OPCML: variants seen among roughly 807,000 people sequenced by gnomAD.
OPCML encodes opioid-binding protein/cell adhesion molecule.
A neutral mutation model predicts 37.8 loss-of-function variants in OPCML; 13 were observed. That is an observed-to-expected ratio of 0.34 (90% CI 0.22 to 0.55). The LOEUF is 0.55. OPCML is among the 20% of genes least tolerant of loss of function. OPCML has a pLI of 0.91. For synonymous variants in OPCML, 176 were observed against 168.8 expected (o/e 1.04, Z -0.33); for missense variants, 341 against 435.6 (o/e 0.78, Z 1.93).
chr11:132,447,671 C>T (rs2096058995), intron 4 of OPCML, among the ~76,000 whole-genome samples: 2 of 152,176 alleles, frequency 1.3e-5, no homozygotes, highest in African/African-American at 4.8e-5. Context: ...GGATCATAAA[C>T]CAGGTGGCCG....
chr11:132,718,883 G>A (rs1467595875), intron 2 of OPCML, among the ~76,000 whole-genome samples: 1 of 152,206 alleles, frequency 6.6e-6, no homozygotes, highest in Non-Finnish European at 1.5e-5. Flanking sequence ...ATCAACAGAT[G>A]AGCATCTGAG....
At chr11:133,089,780 A>C (rs545719339) in intron 1 of OPCML, among the ~76,000 whole-genome samples, 1 of 151,910 alleles carries the variant, frequency 6.6e-6, no homozygotes, top group Admixed American at 6.6e-5. Context: ...AAAAAAACCC[A>C]GTGGCTTATG....
chr11:133,364,078 G>A (rs962277632), intron 1 of OPCML, among the ~76,000 whole-genome samples: 1 of 152,114 alleles, frequency 6.6e-6, no homozygotes, highest in Admixed American at 6.5e-5. Context: ...GTAAGTCCCA[G>A]CTCCAACGTC....
intron 1 of OPCML, among the ~76,000 whole-genome samples, chr11:133,438,966 C>T (rs925382328): frequency 2.6e-5 from 4 of 152,146 alleles, no homozygotes. Flanking sequence ...CACACCACAC[C>T]CCATGCCTTG....
At chr11:133,043,509 G>A (rs183645757) in intron 1 of OPCML, among the ~76,000 whole-genome samples, 9 of 152,194 alleles carry the variant, frequency 5.9e-5, no homozygotes, top group African/African-American at 7.2e-5. Context: ...TGGCAGCTGC[G>A]CACACCCAGG....
At chr11:133,043,537 T>A (rs11825737) in intron 1 of OPCML, among the ~76,000 whole-genome samples, 19,845 of 152,140 alleles carry the variant, frequency 0.13, 1,537 homozygotes, top group East Asian at 0.23. Flanking sequence ...ATTTCCAGCC[T>A]CACTGTGATA....
intron 1 of OPCML, among the ~76,000 whole-genome samples, chr11:133,238,743 A>G (rs2136404115): frequency 6.6e-6 from 1 of 151,564 alleles, no homozygotes; most frequent in African/African-American, 2.4e-5. Flanking sequence ...CTCTCATCAG[A>G]GGCTACCCCT....
intron 1 of OPCML, among the ~76,000 whole-genome samples, chr11:133,377,052 T>C (rs979070924): frequency 1.3e-5 from 2 of 151,872 alleles, no homozygotes; most frequent in African/African-American, 4.8e-5. Flanking sequence ...CTATGTAGTG[T>C]AGTGTTTCGA....
At position 132,974,992 on chromosome 11, in the gene OPCML, G is replaced by C. The variant is rs575862989; in HGVS notation, c.62-31982C>G. On this transcript the variant is annotated intron_variant, in intron 1 of 7. Transcript: ENST00000524381. ...CTATAAGCTAATAATTCACTAATCA[G>C]TCTCTTAAGTCTGGAGCTCTGTACA... Among the ~76,000 whole-genome samples the C allele has an allele frequency of 3.3e-5, 5 of 151,742 alleles. No individual in the cohort carries two copies. The South Asian group carries it at 1.0e-3, about 32-fold the overall frequency.
chr11:132,938,286 A>C (rs1945461560), intron 2 of OPCML, among the ~76,000 whole-genome samples: 1 of 152,076 alleles, frequency 6.6e-6, no homozygotes. Context: ...ACACATGAAA[A>C]AATAACAGGT....
At chr11:133,461,708 C>T (rs1946863588) in intron 1 of OPCML, among the ~76,000 whole-genome samples, 1 of 151,728 alleles carries the variant, frequency 6.6e-6, no homozygotes, top group African/African-American at 2.4e-5. Flanking sequence ...TCAACACTAC[C>T]CAGAGCAGTC....
chr11:132,917,535 G>A (rs1944648406), intron 2 of OPCML, among the ~76,000 whole-genome samples: 1 of 152,156 alleles, frequency 6.6e-6, no homozygotes, highest in Admixed American at 6.5e-5. Flanking sequence ...TAATGGAGCT[G>A]GGAGACAGAT....
intron 1 of OPCML, among the ~76,000 whole-genome samples, chr11:133,244,577 G>T (rs1285577549): frequency 6.6e-6 from 1 of 152,142 alleles, no homozygotes; most frequent in Admixed American, 6.5e-5. Context: ...ACTGGAGGAG[G>T]GGCCTCGTGG....
chr11:133,467,219 G>A (rs1238828756), intron 1 of OPCML, among the ~76,000 whole-genome samples: 3 of 152,264 alleles, frequency 2.0e-5, no homozygotes, highest in African/African-American at 7.2e-5. Flanking sequence ...GGAGTCCTCT[G>A]TCCTTAGAGA....
intron 1 of OPCML, among the ~76,000 whole-genome samples, chr11:133,071,997 C>T (rs896540853): frequency 1.5e-4 from 23 of 152,182 alleles, no homozygotes; most frequent in African/African-American, 4.8e-4. Context: ...GTGTGCAGGA[C>T]GGCCCCGTAC....
intron 3 of OPCML, among the ~76,000 whole-genome samples, chr11:132,546,148 C>T (rs1219895020): frequency 6.6e-6 from 1 of 152,138 alleles, no homozygotes; most frequent in African/African-American, 2.4e-5. Flanking sequence ...ATCATGTCAC[C>T]TTTGTGAGGG....
chr11:132,937,480 G>C (rs1315747832), intron 2 of OPCML, among the ~76,000 whole-genome samples: 1 of 81,124 alleles, frequency 1.2e-5, no homozygotes, highest in Non-Finnish European at 3.3e-5. Context: ...CAGGGGGACA[G>C]AGAGAGAGAG....
chr11:132,978,751 C>T (rs749909575), intron 1 of OPCML, among the ~76,000 whole-genome samples: 2 of 152,120 alleles, frequency 1.3e-5, no homozygotes, highest in East Asian at 3.9e-4. Context: ...AATTGCTATG[C>T]TAATGACTCA....
intron 1 of OPCML, among the ~76,000 whole-genome samples, chr11:133,434,185 T>C (rs1476008790): frequency 6.6e-6 from 1 of 152,202 alleles, no homozygotes; most frequent in Admixed American, 6.5e-5. Flanking sequence ...CTATTCACTT[T>C]CCTCATGAAA....
Sources: gnomAD v4.1 joint callset for allele counts (sites outside exome capture counted in the v4.1 genomes callset) on GRCh38, gnomAD v4.1.1 for gene constraint, MANE v1.5 for transcripts, NCBI Gene and HGNC (gene_info 2026-07-23, HGNC 2026-07-21) for gene names.